Variants in KLRG1 observed in about 807,000 individuals in gnomAD.
KLRG1 encodes the protein killer cell lectin like receptor G1.
KLRG1 carries 16 observed loss-of-function variants against 21.8 expected under a neutral mutation model. That is an observed-to-expected ratio of 0.73 (90% CI 0.50 to 1.11). The LOEUF (loss-of-function observed/expected upper bound fraction) is 1.11. KLRG1 is among the 50% of genes most tolerant of loss of function. KLRG1 has a pLI of 0.00. For missense variants in KLRG1, 173 were observed against 218.3 expected, an observed-to-expected ratio of 0.79 and a Z score of 1.31; for synonymous variants, 69 against 75.9, an observed-to-expected ratio of 0.91 and a Z score of 0.47.
At chr12:9,029,098 AAAG>A in the KLRG1 span, 1 of 428,172 alleles carries the variant, frequency 2.3e-6, no homozygotes, top group South Asian at 3.1e-5. Flanking sequence ...ATGACGGCAG[AAAG>A]AAGAGAGATT....
the KLRG1 span, chr12:9,067,079 G>A: frequency 6.6e-6 from 1 of 152,276 alleles, no homozygotes; most frequent in Non-Finnish European, 1.5e-5. Flanking sequence ...TTCTGCATCA[G>A]AATATCTCCT....
At chr12:9,002,553 C>T (rs1947335505) in intron 3 of KLRG1, among the ~76,000 whole-genome samples, 1 of 149,862 alleles carries the variant, frequency 6.7e-6, no homozygotes, top group Admixed American at 6.7e-5. Flanking sequence ...TCTCAGTTAC[C>T]ACCTTTACCT....
the KLRG1 span, among the ~76,000 whole-genome samples, chr12:9,168,172 A>G: frequency 6.6e-6 from 1 of 152,240 alleles, no homozygotes; most frequent in Non-Finnish European, 1.5e-5. Context: ...AAGAGCCATT[A>G]GTCAAATTCC....
At chr12:9,091,509 TCTAC>T in the KLRG1 span, 7 of 1,436,852 alleles carry the variant, frequency 4.9e-6, no homozygotes, top group Non-Finnish European at 6.7e-6. Flanking sequence ...TAGGAATGAT[TCTAC>T]TGCCATGACT....
the KLRG1 span, among the ~76,000 whole-genome samples, chr12:9,083,382 A>C: frequency 1.3e-5 from 2 of 151,686 alleles, no homozygotes; most frequent in East Asian, 3.9e-4. Context: ...TAGAACTTAA[A>C]GTATAAAAAA....
the KLRG1 span, among the ~76,000 whole-genome samples, chr12:9,075,809 A>G: frequency 6.6e-6 from 1 of 152,224 alleles, no homozygotes; most frequent in Non-Finnish European, 1.5e-5. Context: ...TGGAGGTGGT[A>G]GTGATACACA....
chr12:9,162,536 C>T, the KLRG1 span: 12 of 1,181,680 alleles, frequency 1.0e-5, no homozygotes, highest in African/African-American at 1.5e-5. Flanking sequence ...TGCATTGTAA[C>T]TTGAGGTTTA....
the KLRG1 span, chr12:9,194,095 A>G: frequency 3.1e-6 from 5 of 1,613,474 alleles, no homozygotes; most frequent in African/African-American, 1.3e-5. Context: ...AAAGTTTATT[A>G]ACCGAGATAC....
the KLRG1 span, chr12:9,201,265 T>C: frequency 7.0e-7 from 1 of 1,418,528 alleles, no homozygotes; most frequent in South Asian, 1.2e-5. Flanking sequence ...TAGAGTATTA[T>C]CAGAACCTCC....
In KLRG1 at chr12:8,954,227, GA is replaced by G. The variant is rs773461006; in HGVS notation, c.-156+3998del. On this transcript the variant is annotated intron_variant, in intron 1 of 4. Coordinates refer to the KLRG1 transcript ENST00000539240. Reference sequence around the variant, plus strand: ...TGATATCGGTTGTATGTGGAGTCTTGAAAAAAATCACCATAGAAACAGTGTA... The same window carrying G: ...TGATATCGGTTGTATGTGGAGTCTTGAAAAAATCACCATAGAAACAGTGTA... 2.6e-5 allele frequency among the ~76,000 whole-genome samples: 4 copies of G among 152,098 alleles called. No homozygotes were observed. In the East Asian group the frequency reaches 7.7e-4, roughly 29 times the overall value.
chr12:9,075,319 T>C, the KLRG1 span, among the ~76,000 whole-genome samples: 1 of 152,148 alleles, frequency 6.6e-6, no homozygotes, highest in Non-Finnish European at 1.5e-5. Context: ...TATTCAGCAA[T>C]GGGGAAGATG....
the KLRG1 span, chr12:9,194,250 A>C: frequency 4.3e-6 from 7 of 1,613,136 alleles, no homozygotes; most frequent in African/African-American, 8.0e-5. Flanking sequence ...TAAAGAAGAA[A>C]AGTACTTGAT....
the KLRG1 span, chr12:9,101,377 CT>C: frequency 7.2e-7 from 1 of 1,396,784 alleles, no homozygotes; most frequent in Non-Finnish European, 9.9e-7. Flanking sequence ...ATCTAAAGAG[CT>C]TCATGATTAC....
At chr12:9,184,517 C>T in the KLRG1 span, among the ~76,000 whole-genome samples, 1 of 152,158 alleles carries the variant, frequency 6.6e-6, no homozygotes, top group Non-Finnish European at 1.5e-5. Context: ...TGCACAAAGG[C>T]CAGCAACCTG....
the KLRG1 span, among the ~76,000 whole-genome samples, chr12:9,035,804 A>G: frequency 1.3e-5 from 2 of 152,196 alleles, no homozygotes; most frequent in Non-Finnish European, 2.9e-5. Flanking sequence ...ACACCATGAA[A>G]TACTACACAG....
the KLRG1 span, chr12:9,090,134 CA>C: frequency 6.8e-7 from 1 of 1,469,664 alleles, no homozygotes; most frequent in Non-Finnish European, 9.2e-7. Context: ...TATTAAAACA[CA>C]GAAGCAGGAA....
chr12:9,089,896 AC>A, the KLRG1 span: 2 of 1,606,274 alleles, frequency 1.2e-6, no homozygotes, highest in Middle Eastern at 1.7e-4. Flanking sequence ...ATTTAGGTTT[AC>A]TTACTTCAAC....
At chr12:9,102,197 G>T in the KLRG1 span, among the ~76,000 whole-genome samples, 16 of 152,088 alleles carry the variant, frequency 1.1e-4, no homozygotes, top group Admixed American at 8.5e-4. Context: ...CCTCTTCTGG[G>T]CTATCTTAGG....
chr12:9,093,916 C>CA, the KLRG1 span, among the ~76,000 whole-genome samples: 70 of 147,682 alleles, frequency 4.7e-4, no homozygotes, highest in Admixed American at 6.7e-4. Context: ...AACAAACAAA[C>CA]AACAAAAAAA....
Sources: allele counts gnomAD v4.1 joint callset (sites outside exome capture counted in the v4.1 genomes callset), GRCh38; gene constraint gnomAD v4.1.1; transcripts MANE v1.5; gene names NCBI Gene and HGNC (gene_info 2026-07-23, HGNC 2026-07-21).